Variants in CEP41 observed in about 807,000 individuals in gnomAD.
The protein encoded by CEP41 is centrosomal protein 41.
A neutral mutation model predicts 44.3 loss-of-function variants in CEP41; 32 were observed. That is an observed-to-expected ratio of 0.72 (90% CI 0.54 to 0.97). The LOEUF is 0.97. Among genes scored for constraint, CEP41 ranks in the 50% least tolerant of loss-of-function variants. The pLI, the probability that CEP41 is intolerant of heterozygous loss-of-function variation, is 0.00. For synonymous variants in CEP41, 151 were observed against 168.5 expected (o/e 0.90, Z 0.80); for missense variants, 432 against 455.2 (o/e 0.95, Z 0.46).
At chr7:130,401,576 T>C (rs1446627679) in intron 8 of CEP41, among the ~76,000 whole-genome samples, 1 of 152,084 alleles carries the variant, frequency 6.6e-6, no homozygotes, top group Non-Finnish European at 1.5e-5. Flanking sequence ...AAAATTAAAA[T>C]AGAAAAAAAC....
In CEP41 at chr7:130,404,602, GTTGT is replaced by G; in HGVS notation, c.380_383del (p.Asn127ThrfsTer24). On this transcript the variant is annotated frameshift_variant, in exon 6 of 11. Coordinates refer to ENST00000223208, the MANE Select transcript of CEP41 (RefSeq NM_018718.3). LOFTEE classifies it high-confidence loss of function. The stretch of plus-strand genomic sequence containing the variant: ...AGCGGCTGGAGTCCCCTGCTCCTGC[GTTGT>G]TTATGAACTGCTCAGGGCTCGGCGA... 6.2e-7 allele frequency: 1 copy of G among 1,613,740 alleles called. No homozygotes were observed. The highest frequency in any genetic ancestry group is 8.5e-7 in the Non-Finnish European group (1 of 1,179,634).
Position 130,396,750 on chromosome 7 carries a change from C to T in CEP41, c.*2141G>A, listed in dbSNP as rs1216406400. 8.8e-6 allele frequency: 4 copies of T among 454,174 alleles called. No homozygotes were observed. The highest frequency in any genetic ancestry group is 2.4e-5 in the Admixed American group (1 of 42,550). The allele number at this position is 454,174 out of a possible 1,614,324, so 28.1% of individuals were successfully genotyped here. ...GAGCATGGTTATTTAAAATCCTTAC[C>T]AACAGGGCAAAGCAAGCACTGTGGA... is the stretch of plus-strand genomic sequence containing the variant. On this transcript the variant is annotated 3_prime_UTR_variant, in exon 11 of 11. Coordinates refer to ENST00000223208, the MANE Select transcript of CEP41 (RefSeq NM_018718.3).
In CEP41 at chr7:130,394,078, G is replaced by A. The variant is rs1263240732; in HGVS notation, c.*4813C>T. On this transcript the variant is annotated 3_prime_UTR_variant, in exon 11 of 11. Transcript: ENST00000223208. The stretch of plus-strand genomic sequence containing the variant: ...TTTTCAAAAGAATCTCGGCTGACTA[G>A]GAGGGAAGGGAAGCCAATAGCGAAG... 1 of 453,984 alleles carries A rather than the reference G, an allele frequency of 2.2e-6. No homozygotes were observed. Among genetic ancestry groups the A allele is most frequent in the African/African-American group, 2.0e-5 (1 of 50,000 alleles). The allele number at this position is 453,984 out of a possible 1,614,324, so 28.1% of individuals were successfully genotyped here. A position where few individuals can be genotyped will look rare whatever the true frequency, so the allele number is the denominator to read the frequency against.
intron 1 of CEP41, among the ~76,000 whole-genome samples, chr7:130,434,598 T>C (rs938452916): frequency 2.0e-5 from 3 of 152,208 alleles, no homozygotes; most frequent in African/African-American, 7.2e-5. Flanking sequence ...AGTCACATGC[T>C]AGATTACTAT....
chr7:130,430,308 G>A (rs1797786990), intron 1 of CEP41, among the ~76,000 whole-genome samples: 1 of 152,124 alleles, frequency 6.6e-6, no homozygotes, highest in Admixed American at 6.5e-5. Context: ...GAGTGAAAGG[G>A]TCAGTCCTTC....
chr7:130,429,142 CAT>C, intron 1 of CEP41, among the ~76,000 whole-genome samples: 1 of 152,158 alleles, frequency 6.6e-6, no homozygotes, highest in South Asian at 2.1e-4. Flanking sequence ...AGATTTTATC[CAT>C]CTCTCCCCTG....
chr7:130,395,453 G>C lies in CEP41; in HGVS notation c.*3438C>G. The C allele has an allele frequency of 2.2e-6, 1 of 454,112 alleles. No individual in the cohort carries two copies. Among genetic ancestry groups the C allele is most frequent in the Non-Finnish European group, 4.4e-6 (1 of 226,780 alleles). 28.1% of individuals were successfully genotyped at this position (454,112 alleles called of 1,614,324 possible). ...AGACACTGAGAACGTTTTAGAACTG[G>C]AGAAAGAAAGGTTCTTACTGATTAT... is the stretch of plus-strand genomic sequence containing the variant. On this transcript the variant is annotated 3_prime_UTR_variant, in exon 11 of 11. Coordinates refer to ENST00000223208, the MANE Select transcript of CEP41 (RefSeq NM_018718.3).
At position 130,398,457 on chromosome 7, in the gene CEP41, C is replaced by G. The variant is rs1554415831; in HGVS notation, c.*434G>C. The G allele has an allele frequency of 2.2e-6, 1 of 454,360 alleles. No individual in the cohort carries two copies. Among genetic ancestry groups the G allele is most frequent in the Non-Finnish European group, 4.4e-6 (1 of 227,128 alleles). The allele number at this position is 454,360 out of a possible 1,614,324, so 28.1% of individuals were successfully genotyped here. A position where few individuals can be genotyped will look rare whatever the true frequency, so the allele number is the denominator to read the frequency against. On this transcript the variant is annotated 3_prime_UTR_variant, in exon 11 of 11. Transcript: ENST00000223208. ...CTCACACCAAGACTGCCCGGAGAAGCCTTCATGAAGTCAAGAACAGTGAAT... is the reference window on the plus strand; with the variant it reads ...CTCACACCAAGACTGCCCGGAGAAGGCTTCATGAAGTCAAGAACAGTGAAT...
At position 130,395,176 on chromosome 7, in the gene CEP41, T is replaced by C; in HGVS notation, c.*3715A>G. On this transcript the variant is annotated 3_prime_UTR_variant, in exon 11 of 11. Transcript: ENST00000223208. ...GTCATAATAATAATTTCAATAATTA[T>C]TGTAAATCTAGGAAAGTATTACTAC... is the stretch of plus-strand genomic sequence containing the variant. The C allele has an allele frequency of 2.2e-6, 1 of 453,204 alleles. No individual in the cohort carries two copies. The highest frequency in any genetic ancestry group is 4.4e-6 in the Non-Finnish European group (1 of 226,110). The allele number at this position is 453,204 out of a possible 1,614,324, so 28.1% of individuals were successfully genotyped here.
rs562370289 is a variant in CEP41, at chr7:130,398,564, C to T, written c.*327G>A. 8.2e-6 allele frequency: 4 copies of T among 484,996 alleles called. No individual in the cohort carries two copies. Among genetic ancestry groups the T allele is most frequent in the East Asian group, 6.0e-5 (1 of 16,532 alleles). The allele number at this position is 484,996 out of a possible 1,614,324, so 30.0% of individuals were successfully genotyped here. On this transcript the variant is annotated 3_prime_UTR_variant, in exon 11 of 11. Transcript: ENST00000223208. Reference sequence around the variant, plus strand: ...ACACAGAGAGACCCAACAAGCTGGACCTTATTAAAAAAAAACAAAACAAAA... The same window carrying T: ...ACACAGAGAGACCCAACAAGCTGGATCTTATTAAAAAAAAACAAAACAAAA...
intron 6 of CEP41, 119 bp downstream of exon 6, chr7:130,404,445 T>C: frequency 1.3e-6 from 1 of 786,792 alleles, no homozygotes; most frequent in South Asian, 1.5e-5. Context: ...GATTAAAATG[T>C]GAGACTTTAC....
chr7:130,440,803 C>G (rs1274706733), intron 1 of CEP41, 131 bp downstream of exon 1: 18 of 838,958 alleles, frequency 2.1e-5, no homozygotes, highest in Non-Finnish European at 3.1e-5. Flanking sequence ...CCCTGCATCC[C>G]GACCCCTCCT....
In CEP41 at chr7:130,400,100, T is replaced by C. The variant is rs1554416466; in HGVS notation, c.912A>G (p.Pro304=). The C allele has an allele frequency of 6.2e-7, 1 of 1,613,712 alleles. No individual in the cohort carries two copies. The highest frequency in any genetic ancestry group is 2.2e-5 in the East Asian group (1 of 44,886). ...LPAENKWRFT[P]EDLKKIEYYL... ...AATATTCTATCTTTTTTAAGTCTTC[T>C]GGGGTAAATCTCCATTTATTCTCAG... The change falls in exon 10 of 11, where the codon CCA becomes CCG. Residue 304 remains proline (P), a synonymous_variant. Coordinates refer to ENST00000223208, the MANE Select transcript of CEP41 (RefSeq NM_018718.3).
At position 130,440,929 on chromosome 7, in the gene CEP41, C is replaced by G. The variant is rs782279893; in HGVS notation, c.33+5G>C. The G allele has an allele frequency of 6.2e-7, 1 of 1,612,238 alleles. No homozygotes were observed. Among genetic ancestry groups the G allele is most frequent in the Non-Finnish European group, 8.5e-7 (1 of 1,180,002 alleles). Reference sequence around the variant, plus strand: ...CCGGCTCTCCGGCCGAGACCTGGCCCTCACCTCAGGGTTCCCAATGTGCCT... The same window carrying G: ...CCGGCTCTCCGGCCGAGACCTGGCCGTCACCTCAGGGTTCCCAATGTGCCT... On this transcript the variant is annotated splice_donor_5th_base_variant and intron_variant, in intron 1 of 10. Coordinates refer to ENST00000223208, the MANE Select transcript of CEP41 (RefSeq NM_018718.3).
chr7:130,401,564 A>T (rs1184287787), intron 8 of CEP41, among the ~76,000 whole-genome samples: 3 of 152,138 alleles, frequency 2.0e-5, no homozygotes, highest in Admixed American at 2.0e-4. Context: ...ATTTTAAAGG[A>T]AAAAATTAAA....
upstream of CEP41, among the ~76,000 whole-genome samples, chr7:130,441,535 T>TA (rs782665189): frequency 2.6e-5 from 4 of 152,206 alleles, no homozygotes; most frequent in Non-Finnish European, 5.9e-5. Flanking sequence ...AATACATGGG[T>TA]AAATACAGTA....
intron 1 of CEP41, among the ~76,000 whole-genome samples, chr7:130,438,921 C>T (rs372997070): frequency 3.3e-5 from 5 of 152,164 alleles, no homozygotes; most frequent in South Asian, 4.1e-4. Flanking sequence ...ATTAACATAT[C>T]CATCAACCCA....
intron 3 of CEP41, among the ~76,000 whole-genome samples, chr7:130,414,970 G>A (rs1554420574): frequency 6.6e-6 from 1 of 152,120 alleles, no homozygotes; most frequent in East Asian, 1.9e-4. Flanking sequence ...TCGAGTTACT[G>A]GAAGGACAGA....
intron 3 of CEP41, among the ~76,000 whole-genome samples, chr7:130,413,896 C>T (rs1379758764): frequency 6.6e-6 from 1 of 152,208 alleles, no homozygotes; most frequent in African/African-American, 2.4e-5. Flanking sequence ...GACTCTTTAA[C>T]TGCTGCCTCA....
Sources: allele counts gnomAD v4.1 joint callset (sites outside exome capture counted in the v4.1 genomes callset), GRCh38; gene constraint gnomAD v4.1.1; transcripts MANE v1.5; gene names NCBI Gene and HGNC (gene_info 2026-07-23, HGNC 2026-07-21).